Variants in CMPK2 observed in about 807,000 individuals in gnomAD.
The protein encoded by CMPK2 is cytidine/uridine monophosphate kinase 2.
CMPK2 carries 32 observed loss-of-function variants against 33.4 expected under a neutral mutation model. The observed-to-expected ratio is 0.96, with a 90% CI of 0.72 to 1.29. The LOEUF is 1.29. CMPK2 is among the 50% of genes most tolerant of loss of function. The pLI is 0.00. For synonymous variants in CMPK2, 299 were observed against 275.3 expected (o/e 1.09, Z -0.85); for missense variants, 672 against 616.0 (o/e 1.09, Z -0.96).
Position 6,849,228 on chromosome 2 carries a change from G to A in CMPK2, c.*622C>T. 1.0e-6 allele frequency: 1 copy of A among 985,400 alleles called. No individual in the cohort carries two copies. The highest frequency in any genetic ancestry group is 1.2e-6 in the Non-Finnish European group (1 of 829,906). The allele number at this position is 985,400 out of a possible 1,614,324, so 61.0% of individuals were successfully genotyped here. A position where few individuals can be genotyped will look rare whatever the true frequency, so the allele number is the denominator to read the frequency against. ...TATGACTCAGAAGCCTATCAAAAGG[G>A]CTCTGAGCCTCAGACACAAGATCAA... On this transcript the variant is annotated 3_prime_UTR_variant, in exon 5 of 5. Coordinates refer to ENST00000256722, the MANE Select transcript of CMPK2 (RefSeq NM_207315.4).
rs571716718 is a variant in CMPK2, at chr2:6,853,944, C to T, written c.993-2261G>A. On this transcript the variant is annotated intron_variant, in intron 3 of 4. Transcript: ENST00000256722. The stretch of plus-strand genomic sequence containing the variant: ...TTCACTTGGGAGTTGATAATCTCAA[C>T]ACCATCCATCCTTCAAAGCCCTTGT... Among the ~76,000 whole-genome samples the T allele has an allele frequency of 1.9e-3, 293 of 152,060 alleles. 2 individuals carry two copies. Among genetic ancestry groups the T allele is most frequent in the Middle Eastern group, 0.017 (5 of 294 alleles).
At chr2:6,854,073 C>A (rs551742845) in intron 3 of CMPK2, among the ~76,000 whole-genome samples, 1 of 152,140 alleles carries the variant, frequency 6.6e-6, no homozygotes, top group Non-Finnish European at 1.5e-5. Context: ...CTGTTACTCA[C>A]AAACTTGTAC....
chr2:6,851,648 G>C lies in CMPK2; in HGVS notation c.1028C>G (p.Thr343Ser). Residue 343 changes from threonine (T) to serine (S), a missense_variant, in exon 4 of 5, where the codon ACT becomes AGT. By Grantham distance (58) the Thr-to-Ser change is moderately conservative (BLOSUM62 1). Coordinates refer to ENST00000256722, the MANE Select transcript of CMPK2 (RefSeq NM_207315.4). ...WHSTATYAIA[T>S]EVSGGLQHLP... ...GTGCTGGAGACCCCCACTCACCTCA[G>C]TGGCTATGGCATAGGTGGCCGTGCT... The C allele has an allele frequency of 6.2e-7, 1 of 1,614,158 alleles. No individual in the cohort carries two copies. Among genetic ancestry groups the C allele is most frequent in the Non-Finnish European group, 8.5e-7 (1 of 1,180,026 alleles).
intron 3 of CMPK2, among the ~76,000 whole-genome samples, chr2:6,854,094 T>C (rs1305765042): frequency 6.6e-6 from 1 of 152,130 alleles, no homozygotes; most frequent in African/African-American, 2.4e-5. Flanking sequence ...TTTCACTCTC[T>C]CTGCCAGATG....
chr2:6,841,931 G>A (rs1186955094), intron 3 of CMPK2, among the ~76,000 whole-genome samples: 1 of 152,186 alleles, frequency 6.6e-6, no homozygotes. Flanking sequence ...TGAGCATGAA[G>A]AACCAGGAAA....
In CMPK2 at chr2:6,865,184, C is replaced by T. The variant is rs886710703; in HGVS notation, c.513G>A (p.Gln171=). Residue 171 remains glutamine (Q), a synonymous_variant, in exon 1 of 5, where the codon CAG becomes CAA. Transcript: ENST00000256722. ...LGEFEADPRG[Q]LWQRLWEVQD... The stretch of plus-strand genomic sequence containing the variant: ...GCACCTCCCAGAGGCGCTGCCACAG[C>T]TGGCCGCGCGGGTCGGCCTCGAACT... 7 of 1,534,232 alleles carry T rather than the reference C, an allele frequency of 4.6e-6. No homozygotes were observed. The highest frequency in any genetic ancestry group is 1.7e-4 in the Middle Eastern group (1 of 5,846).
intron 4 of CMPK2, 85 bp downstream of exon 4, chr2:6,851,364 TC>T: frequency 1.3e-6 from 2 of 1,579,260 alleles, no homozygotes; most frequent in Non-Finnish European, 1.7e-6. Flanking sequence ...CAATATCACT[TC>T]CTCACAATCC....
chr2:6,862,592 C>T (rs1482229480), intron 2 of CMPK2, among the ~76,000 whole-genome samples: 2 of 152,164 alleles, frequency 1.3e-5, no homozygotes, highest in East Asian at 3.9e-4. Context: ...TTACAATTCC[C>T]TCTGCAGCTG....
Position 6,865,213 on chromosome 2 carries a change from C to T in CMPK2, c.484G>A (p.Gly162Ser). ...CCGCGCGGGTCGGCCTCGAACTCGC[C>T]CAAGTGCGGGCGTGGTGCCTCCTGA... is the stretch of plus-strand genomic sequence containing the variant. Reference protein sequence around the residue: ...ACQEAPRPHLGEFEADPRGQL... With the variant: ...ACQEAPRPHLSEFEADPRGQL... The change falls in exon 1 of 5, where the codon GGC (glycine) becomes AGC (serine). Residue 162 changes from glycine (G) to serine (S), a missense_variant. Coordinates refer to ENST00000256722, the MANE Select transcript of CMPK2 (RefSeq NM_207315.4). 2 of 1,535,114 alleles carry T rather than the reference C, an allele frequency of 1.3e-6. No individual in the cohort carries two copies. The highest frequency in any genetic ancestry group is 8.7e-7 in the Non-Finnish European group (1 of 1,146,082).
chr2:6,849,905 T>A lies in CMPK2; in HGVS notation c.1295A>T (p.Glu432Val). The A allele has an allele frequency of 1.2e-6, 2 of 1,614,186 alleles. No individual in the cohort carries two copies. The highest frequency in any genetic ancestry group is 3.3e-4 in the Middle Eastern group (2 of 6,058). Residue 432 changes from glutamate to valine, a missense_variant, in exon 5 of 5, where the codon GAA (glutamate) becomes GTA (valine). Coordinates refer to ENST00000256722, the MANE Select transcript of CMPK2 (RefSeq NM_207315.4). ...GCTTAATACCGTCTGCAGGACCTTT[T>A]CTCTGGAGGGGCTGGCATCAACCAC... is the stretch of plus-strand genomic sequence containing the variant. ...CHVVDASPSR[E>V]KVLQTVLSLI...
At chr2:6,855,396 T>C (rs1270329700) in intron 3 of CMPK2, among the ~76,000 whole-genome samples, 1 of 151,730 alleles carries the variant, frequency 6.6e-6, no homozygotes, top group African/African-American at 2.4e-5. Context: ...TCCACCATGA[T>C]TGCAAGTTTC....
intron 3 of CMPK2, among the ~76,000 whole-genome samples, chr2:6,854,790 T>C (rs1662634784): frequency 6.6e-6 from 1 of 152,112 alleles, no homozygotes; most frequent in Non-Finnish European, 1.5e-5. Context: ...TCAGGGTACT[T>C]CCACACACAT....
At chr2:6,843,646 G>C (rs1662283977), downstream of CMPK2, among the ~76,000 whole-genome samples, 1 of 152,166 alleles carries the variant, frequency 6.6e-6, no homozygotes, top group African/African-American at 2.4e-5. Flanking sequence ...GAACCGTAAG[G>C]ATGGTGGCTC....
At position 6,864,112 on chromosome 2, in the gene CMPK2, A is replaced by C. The variant is rs372768398; in HGVS notation, c.676-534T>G. Among the ~76,000 whole-genome samples, 13 of 152,344 alleles carry C rather than the reference A, an allele frequency of 8.5e-5. No homozygotes were observed. The East Asian group carries it at 1.5e-3, about 18-fold the overall frequency. ...TCTCACTGCACGCTCACAGCATCTCAGAGCGAGGCTCAGACACTTATGTGC... is the reference window on the plus strand; with the variant it reads ...TCTCACTGCACGCTCACAGCATCTCCGAGCGAGGCTCAGACACTTATGTGC... On this transcript the variant is annotated intron_variant, in intron 1 of 4. Transcript: ENST00000256722.
intron 3 of CMPK2, among the ~76,000 whole-genome samples, chr2:6,856,243 C>G (rs1195456890): frequency 6.6e-6 from 1 of 152,220 alleles, no homozygotes; most frequent in African/African-American, 2.4e-5. Flanking sequence ...GGCAAATCTT[C>G]AAAACACATG....
chr2:6,850,678 T>C lies in CMPK2; in HGVS notation c.1227-705A>G, dbSNP rs188861583. 1.7e-5 allele frequency: 15 copies of C among 883,462 alleles called. No homozygotes were observed. The Admixed American group carries it at 3.1e-4, about 18-fold the overall frequency. 54.7% of individuals were successfully genotyped at this position (883,462 alleles called of 1,614,324 possible). ...CTTGCAAATGTTCACTGAAGTTTAA[T>C]GGAATTAATACAAGTAAATTGCTTA... On this transcript the variant is annotated intron_variant, in intron 4 of 4. Transcript: ENST00000256722.
chr2:6,841,291 C>G (rs1185684396), intron 3 of CMPK2, among the ~76,000 whole-genome samples: 1 of 152,176 alleles, frequency 6.6e-6, no homozygotes, highest in Non-Finnish European at 1.5e-5. Flanking sequence ...GTGCTGAATT[C>G]CCCTTATCTT....
rs530471146 is a variant in CMPK2 at position 6,851,456 on chromosome 2, C to T, written c.1220G>A (p.Arg407His). 40 of 1,614,216 alleles carry T rather than the reference C, an allele frequency of 2.5e-5. No homozygotes were observed. The East Asian group carries it at 3.1e-4, about 13-fold the overall frequency. ...ATTGCACTGGGACACCTACTTTTGA[C>T]GAAACACACTGTTGGCCTCAAGTTC... Reference protein sequence around the residue: ...EAELEANSVFRQKVEMSYQRM... With the variant: ...EAELEANSVFHQKVEMSYQRM... Residue 407 changes from arginine (R) to histidine (H), a missense_variant, in exon 4 of 5, where the codon CGT becomes CAT. Coordinates refer to ENST00000256722, the MANE Select transcript of CMPK2 (RefSeq NM_207315.4).
intron 3 of CMPK2, among the ~76,000 whole-genome samples, chr2:6,843,146 G>A (rs1224650963): frequency 6.6e-6 from 1 of 152,204 alleles, no homozygotes; most frequent in Non-Finnish European, 1.5e-5. Context: ...TACTGTCCAA[G>A]TCAACTTGGT....
Sources: gnomAD v4.1 joint callset for allele counts (sites outside exome capture counted in the v4.1 genomes callset) on GRCh38, gnomAD v4.1.1 for gene constraint, MANE v1.5 for transcripts, NCBI Gene and HGNC (gene_info 2026-07-23, HGNC 2026-07-21) for gene names.